The following PHACTR2 variants were observed in gnomAD, a reference collection of about 807,000 sequenced individuals.
PHACTR2 encodes phosphatase and actin regulator 2.
A neutral mutation model predicts 76.0 loss-of-function variants in PHACTR2; 30 were observed. That is an observed-to-expected ratio of 0.39 (90% CI 0.30 to 0.54). PHACTR2 has a LOEUF of 0.54. Among genes scored for constraint, PHACTR2 ranks in the 20% least tolerant of loss-of-function variants. PHACTR2 has a pLI of 0.61. For missense variants in PHACTR2, 696 were observed against 781.1 expected (o/e 0.89, Z 1.30); for synonymous variants, 292 against 292.5 (o/e 1.00, Z 0.02).
In PHACTR2 at chr6:143,787,471, C is replaced by G. The variant is rs1269175371; in HGVS notation, c.1708-1302C>G. On this transcript the variant is annotated intron_variant, in intron 10 of 12. Coordinates refer to ENST00000440869, the MANE Select transcript of PHACTR2 (RefSeq NM_001100164.2). This position sits in a 1 kb window ranked among gnomAD's most constrained non-coding sequence, Gnocchi z 4.6. ...TAGAGGGAGCCATAGTTGGCACATC[C>G]CTGCTCCAGTGGGCTCAGGGTATGG... 6.6e-6 allele frequency among the ~76,000 whole-genome samples: 1 copy of G among 152,202 alleles called. No individual in the cohort carries two copies. The highest frequency in any genetic ancestry group is 1.5e-5 in the Non-Finnish European group (1 of 68,038).
Position 143,772,570 on chromosome 6 carries a change from C to T in PHACTR2, c.1432+113C>T, listed in dbSNP as rs1775182496. 2 of 740,426 alleles carry T rather than the reference C, an allele frequency of 2.7e-6. No individual in the cohort carries two copies. The highest frequency in any genetic ancestry group is 1.8e-5 in the African/African-American group (1 of 56,402). The allele number at this position is 740,426 out of a possible 1,614,324, so 45.9% of individuals were successfully genotyped here. ...CCAGACATCTGATGTTTTCTTTCCC[C>T]TCATCCTCCTTTCTCAAATTAGAAA... is the stretch of plus-strand genomic sequence containing the variant. On this transcript the variant is annotated intron_variant, in intron 7 of 12. Coordinates refer to ENST00000440869, the MANE Select transcript of PHACTR2 (RefSeq NM_001100164.2). This position sits in a 1 kb window ranked among gnomAD's most constrained non-coding sequence, Gnocchi z 5.4.
At chr6:143,637,573 C>T (rs1009497591) in intron 1 of PHACTR2, among the ~76,000 whole-genome samples, 5 of 152,220 alleles carry the variant, frequency 3.3e-5, no homozygotes, top group African/African-American at 1.2e-4. Context: ...TTGTATGGGT[C>T]AGGAGTTCAG....
rs1775827272 is a variant in PHACTR2 at position 143,602,893 on chromosome 6, C to T, written c.217+65686C>T. On this transcript the variant is annotated intron_variant, in intron 1 of 11. Transcript: ENST00000367584. The surrounding 1 kb of genome is among the most constrained non-coding windows in gnomAD (Gnocchi z 6.1). ...GGCACAGTGGCTCATGCCTGTAACC[C>T]CAGCACTTTGGGAGGCCGAGGTGGG... is the stretch of plus-strand genomic sequence containing the variant. 6.6e-6 allele frequency among the ~76,000 whole-genome samples: 1 copy of T among 152,056 alleles called. No individual in the cohort carries two copies. Among genetic ancestry groups the T allele is most frequent in the Non-Finnish European group, 1.5e-5 (1 of 68,024 alleles).
intron 1 of PHACTR2, among the ~76,000 whole-genome samples, chr6:143,682,790 G>GTTTTTTTTTTTTTTT (rs71024869): frequency 6.7e-6 from 1 of 148,778 alleles, no homozygotes; most frequent in Non-Finnish European, 1.5e-5. Context: ...TTTGTTTTTT[G>GTTTTTTTTTTTTTTT]TTTTTTTTTA....
rs1171394543 is a variant in PHACTR2 at position 143,696,779 on chromosome 6, G to A, written c.47-15237G>A. On this transcript the variant is annotated intron_variant, in intron 1 of 12. Coordinates refer to ENST00000440869, the MANE Select transcript of PHACTR2 (RefSeq NM_001100164.2). This position sits in a 1 kb window ranked among gnomAD's most constrained non-coding sequence, Gnocchi z 4.1. ...ACAAAACAAACCATTTTCTTCTCTG[G>A]AAGCTTTAGTGTGGAAATACCTAAG... is the stretch of plus-strand genomic sequence containing the variant. Among the ~76,000 whole-genome samples the A allele has an allele frequency of 1.3e-5, 2 of 152,160 alleles. No homozygotes were observed. The highest frequency in any genetic ancestry group is 2.9e-5 in the Non-Finnish European group (2 of 68,022).
chr6:143,817,361 C>T (rs1038231139), intron 12 of PHACTR2, among the ~76,000 whole-genome samples: 6 of 152,096 alleles, frequency 3.9e-5, no homozygotes, highest in African/African-American at 1.4e-4. Flanking sequence ...GAAAGATAGG[C>T]CTTTGGTAGC....
In PHACTR2 at chr6:143,581,434, C is replaced by A. The variant is rs1306646031; in HGVS notation, c.217+44227C>A. 6.6e-6 allele frequency among the ~76,000 whole-genome samples: 1 copy of A among 151,966 alleles called. No individual in the cohort carries two copies. Among genetic ancestry groups the A allele is most frequent in the Non-Finnish European group, 1.5e-5 (1 of 67,996 alleles). On this transcript the variant is annotated intron_variant, in intron 1 of 11. Transcript: ENST00000367584. This position sits in a 1 kb window ranked among gnomAD's most constrained non-coding sequence, Gnocchi z 4.5. Reference sequence around the variant, plus strand: ...GGAACCCACCAGTCAGGCATGATCTCGGAGAGGGCGCTTGTTTGGGGGTTA... The same window carrying A: ...GGAACCCACCAGTCAGGCATGATCTAGGAGAGGGCGCTTGTTTGGGGGTTA...
intron 1 of PHACTR2, among the ~76,000 whole-genome samples, chr6:143,650,712 C>T (rs1776747298): frequency 6.6e-6 from 1 of 151,972 alleles, no homozygotes; most frequent in Non-Finnish European, 1.5e-5. Flanking sequence ...AGTGTAAAAC[C>T]CAAAACTATA....
rs1377824019 is a variant in PHACTR2 at position 143,616,996 on chromosome 6, G to A, written c.13+8674G>A. 6.6e-6 allele frequency among the ~76,000 whole-genome samples: 1 copy of A among 152,210 alleles called. No individual in the cohort carries two copies. Among genetic ancestry groups the A allele is most frequent in the African/African-American group, 2.4e-5 (1 of 41,452 alleles). On this transcript the variant is annotated intron_variant, in intron 1 of 11. Coordinates refer to the PHACTR2 transcript ENST00000305766. This position sits in a 1 kb window ranked among gnomAD's most constrained non-coding sequence, Gnocchi z 4.9. ...GTAGGGGCCTCAGACCAATCAGGGAGGGCCTTGAGGCTTGGCCTCTGTCCT... is the reference window on the plus strand; with the variant it reads ...GTAGGGGCCTCAGACCAATCAGGGAAGGCCTTGAGGCTTGGCCTCTGTCCT...
In PHACTR2 at chr6:143,807,807, C is replaced by T. The variant is rs1209552099; in HGVS notation, c.1922+674C>T. 6.6e-6 allele frequency among the ~76,000 whole-genome samples: 1 copy of T among 152,174 alleles called. No homozygotes were observed. Among genetic ancestry groups the T allele is most frequent in the African/African-American group, 2.4e-5 (1 of 41,444 alleles). On this transcript the variant is annotated intron_variant, in intron 12 of 12. Coordinates refer to ENST00000440869, the MANE Select transcript of PHACTR2 (RefSeq NM_001100164.2). This position sits in a 1 kb window ranked among gnomAD's most constrained non-coding sequence, Gnocchi z 5.5. Reference sequence around the variant, plus strand: ...GGTTTCTTTCACAGGTTACCTAACCCGGTAACAAATATTGATCCCCTAAGC... The same window carrying T: ...GGTTTCTTTCACAGGTTACCTAACCTGGTAACAAATATTGATCCCCTAAGC...
chr6:143,694,909 G>A (rs570503095), intron 1 of PHACTR2, among the ~76,000 whole-genome samples: 1 of 152,284 alleles, frequency 6.6e-6, no homozygotes, highest in South Asian at 2.1e-4. Flanking sequence ...GTCAGTTTTG[G>A]TGGACTGCTT....
intron 12 of PHACTR2, among the ~76,000 whole-genome samples, chr6:143,812,371 T>A (rs1234811879): frequency 6.6e-6 from 1 of 152,236 alleles, no homozygotes; most frequent in Non-Finnish European, 1.5e-5. Flanking sequence ...AAGTCCTTGT[T>A]TCTGTAAATG....
rs191176039 is a variant in PHACTR2 at position 143,774,516 on chromosome 6, G to A, written c.1589+301G>A. ...GTCTCTGTTGCAGCTACTCAACTGC[G>A]CTGCTGTAGCATAAAAGCAGCCATA... On this transcript the variant is annotated intron_variant, in intron 8 of 12. Transcript: ENST00000440869. This position sits in a 1 kb window ranked among gnomAD's most constrained non-coding sequence, Gnocchi z 5.4. 3.3e-5 allele frequency among the ~76,000 whole-genome samples: 5 copies of A among 152,164 alleles called. No individual in the cohort carries two copies. The highest frequency in any genetic ancestry group is 1.2e-4 in the African/African-American group (5 of 41,428).
intron 1 of PHACTR2, among the ~76,000 whole-genome samples, chr6:143,609,219 A>C (rs1461487783): frequency 2.0e-5 from 3 of 152,208 alleles, no homozygotes; most frequent in Non-Finnish European, 4.4e-5. Flanking sequence ...CCACCCATTG[A>C]TGGTGAAACA....
At chr6:143,685,602 G>A (rs142809831) in intron 1 of PHACTR2, among the ~76,000 whole-genome samples, 254 of 148,986 alleles carry the variant, frequency 1.7e-3, no homozygotes, top group African/African-American at 5.9e-3. Flanking sequence ...CAAAGTACGA[G>A]AGCTAAGAAA....
In PHACTR2 at chr6:143,627,250, TGTGA is replaced by T. The variant is rs113977495; in HGVS notation, c.13+18931_13+18934del. 0.022 allele frequency among the ~76,000 whole-genome samples: 3,278 copies of T among 152,296 alleles called. 117 individuals are homozygous for T. The highest frequency in any genetic ancestry group is 0.074 in the African/African-American group (3,070 of 41,532). On this transcript the variant is annotated intron_variant, in intron 1 of 11. Transcript: ENST00000305766. The surrounding 1 kb of genome is among the most constrained non-coding windows in gnomAD (Gnocchi z 4.3). ...TTCAAGTTTGCTAGGCAGAGGGAAATGTGAGTCTCTAACTTTGTAGCTAAACATT... is the reference window on the plus strand; with the variant it reads ...TTCAAGTTTGCTAGGCAGAGGGAAATGTCTCTAACTTTGTAGCTAAACATT...
rs1776522459 is a variant in PHACTR2 at position 143,825,969 on chromosome 6, T to G, written c.*2280T>G. ...AAAATTGCATTTCTTGTATAATAGGTCAGATTTATTAACTACTCATACTTT... is the reference window on the plus strand; with the variant it reads ...AAAATTGCATTTCTTGTATAATAGGGCAGATTTATTAACTACTCATACTTT... On this transcript the variant is annotated 3_prime_UTR_variant, in exon 13 of 13. Coordinates refer to ENST00000440869, the MANE Select transcript of PHACTR2 (RefSeq NM_001100164.2). The surrounding 1 kb of genome is among the most constrained non-coding windows in gnomAD (Gnocchi z 4.1). 1 of 152,058 alleles carries G rather than the reference T, an allele frequency of 6.6e-6. No homozygotes were observed. The highest frequency in any genetic ancestry group is 1.5e-5 in the Non-Finnish European group (1 of 68,016). 9.4% of individuals were successfully genotyped at this position (152,058 alleles called of 1,614,324 possible). A position where few individuals can be genotyped will look rare whatever the true frequency, so the allele number is the denominator to read the frequency against.
At chr6:143,815,894 GA>G (rs11310299) in intron 12 of PHACTR2, among the ~76,000 whole-genome samples, 120,519 of 129,492 alleles carry the variant, frequency 0.93, 55,976 homozygotes, top group Middle Eastern at 0.96. Flanking sequence ...TCTGTCTCAA[GA>G]AAAAAAAAAA....
At chr6:143,574,760 C>T (rs1211945702) in intron 1 of PHACTR2, among the ~76,000 whole-genome samples, 4 of 151,614 alleles carry the variant, frequency 2.6e-5, no homozygotes, top group Admixed American at 6.6e-5. Flanking sequence ...TTCCAAGAGC[C>T]CAAAGGACTA....
Sources: allele counts gnomAD v4.1 joint callset (sites outside exome capture counted in the v4.1 genomes callset), GRCh38; gene constraint gnomAD v4.1.1; non-coding constraint Gnocchi (gnomAD v3.1); transcripts MANE v1.5; gene names NCBI Gene and HGNC (gene_info 2026-07-23, HGNC 2026-07-21).